SDK2: variants seen among roughly 807,000 people sequenced by gnomAD.
SDK2 encodes the protein protein sidekick-2.
SDK2 carries 105 observed loss-of-function variants against 253.9 expected under a neutral mutation model. The ratio of observed to expected loss-of-function variants is 0.41; its 90% CI spans 0.35 to 0.49. SDK2 has a LOEUF of 0.49. Among genes scored for constraint, SDK2 ranks in the 20% least tolerant of loss-of-function variants. SDK2 has a pLI of 0.06. For missense variants in SDK2, 2,608 were observed against 3,003.0 expected, an observed-to-expected ratio of 0.87 and a Z score of 3.07; for synonymous variants, 1,249 against 1,234.9, an observed-to-expected ratio of 1.01 and a Z score of -0.24.
chr17:73,478,998 C>T (rs970991663), intron 2 of SDK2, among the ~76,000 whole-genome samples: 1 of 152,280 alleles, frequency 6.6e-6, no homozygotes, highest in African/African-American at 2.4e-5. Context: ...TCATGCACGC[C>T]GTGCTGTGCA....
At chr17:73,559,598 G>GCCCCCCCCCCCCCCCCCCCCCCC (rs10633523) in intron 1 of SDK2, among the ~76,000 whole-genome samples, 3 of 122,176 alleles carry the variant, frequency 2.5e-5, no homozygotes, top group African/African-American at 1.2e-4. Flanking sequence ...CGCTCCCTGT[G>GCCCCCCCCCCCCCCCCCCCCCCC]CCCCCCGCCC....
At chr17:73,542,570 C>A (rs896985626) in intron 1 of SDK2, among the ~76,000 whole-genome samples, 2 of 152,196 alleles carry the variant, frequency 1.3e-5, no homozygotes, top group Non-Finnish European at 2.9e-5. Flanking sequence ...CTGTGCCCTG[C>A]TGGGCAGGCT....
chr17:73,465,500 T>C lies in SDK2; in HGVS notation c.331+6612A>G, dbSNP rs570636121. 6.6e-6 allele frequency among the ~76,000 whole-genome samples: 1 copy of C among 151,730 alleles called. No homozygotes were observed. The highest frequency in any genetic ancestry group is 2.4e-5 in the African/African-American group (1 of 41,328). On this transcript the variant is annotated intron_variant, in intron 3 of 44. Transcript: ENST00000392650. This position sits in a 1 kb window ranked among gnomAD's most constrained non-coding sequence, Gnocchi z 4.2. ...AGGTCCTCTGCCACCTCCGGAAGGC[T>C]CTCCCAACCCTCTTAGCCATTCATC... is the stretch of plus-strand genomic sequence containing the variant.
chr17:73,566,799 T>C lies in SDK2; in HGVS notation c.65-59202A>G, dbSNP rs368357890. 2.0e-5 allele frequency among the ~76,000 whole-genome samples: 3 copies of C among 151,530 alleles called. No individual in the cohort carries two copies. In the South Asian group the frequency reaches 6.3e-4, roughly 32 times the overall value. ...TCTAAACGACAAAGCACTCAAAATGTGGCCTGGGTGCTTCTAACTTCCTAC... is the reference window on the plus strand; with the variant it reads ...TCTAAACGACAAAGCACTCAAAATGCGGCCTGGGTGCTTCTAACTTCCTAC... On this transcript the variant is annotated intron_variant, in intron 1 of 44. Transcript: ENST00000392650.
chr17:73,589,453 G>A (rs753609735), intron 1 of SDK2, among the ~76,000 whole-genome samples: 1 of 152,236 alleles, frequency 6.6e-6, no homozygotes. Flanking sequence ...GGCAAGGGAC[G>A]TGGCCTTGGA....
At chr17:73,445,154 G>A (rs1387715415) in intron 5 of SDK2, among the ~76,000 whole-genome samples, 5 of 151,990 alleles carry the variant, frequency 3.3e-5, no homozygotes, top group East Asian at 3.9e-4. Context: ...TGATATAAGC[G>A]TAAAATACAC....
intron 4 of SDK2, among the ~76,000 whole-genome samples, chr17:73,450,424 G>A (rs1007348805): frequency 6.6e-6 from 1 of 152,196 alleles, no homozygotes; most frequent in Non-Finnish European, 1.5e-5. Flanking sequence ...GACATGGCCA[G>A]CTTCAGGGCT....
At chr17:73,613,596 CCCCCACCCCCAG>C (rs2046007329) in intron 1 of SDK2, among the ~76,000 whole-genome samples, 1 of 142,096 alleles carries the variant, frequency 7.0e-6, no homozygotes, top group Non-Finnish European at 1.6e-5. Context: ...CCCACCCCCA[CCCCCACCCCCAG>C]CCCCCTCCCC....
chr17:73,375,874 A>AT (rs758199263), intron 36 of SDK2, among the ~76,000 whole-genome samples: 3,889 of 151,396 alleles, frequency 0.026, 77 homozygotes, highest in East Asian at 0.091. Context: ...AAAGAAAGAA[A>AT]GAAATAAAAT....
At chr17:73,479,199 C>T (rs941833133) in intron 2 of SDK2, among the ~76,000 whole-genome samples, 5 of 152,366 alleles carry the variant, frequency 3.3e-5, no homozygotes, top group South Asian at 4.1e-4. Context: ...CTGCAGGTGT[C>T]GCCCCAGATG....
At chr17:73,547,334 T>C (rs540921584) in intron 1 of SDK2, among the ~76,000 whole-genome samples, 80 of 152,342 alleles carry the variant, frequency 5.3e-4, no homozygotes, top group Admixed American at 9.2e-4. Context: ...TGTGATTTTA[T>C]GAATAGGGAT....
At chr17:73,507,215 G>A (rs1398133399) in intron 2 of SDK2, among the ~76,000 whole-genome samples, 1 of 152,210 alleles carries the variant, frequency 6.6e-6, no homozygotes, top group Non-Finnish European at 1.5e-5. Context: ...TGTCCAGGCA[G>A]CGCTGGCCCC....
intron 36 of SDK2, among the ~76,000 whole-genome samples, chr17:73,375,797 A>G (rs2062773532): frequency 2.0e-5 from 3 of 151,512 alleles, no homozygotes; most frequent in South Asian, 4.2e-4. Context: ...CAGAGGTTGC[A>G]GTGAGCCAAG....
chr17:73,615,557 C>A (rs2046042753), intron 1 of SDK2, among the ~76,000 whole-genome samples: 1 of 152,198 alleles, frequency 6.6e-6, no homozygotes, highest in Non-Finnish European at 1.5e-5. Context: ...CAGACCTTCT[C>A]CCCAAGCCCC....
chr17:73,497,647 A>G (rs1002663441), intron 2 of SDK2, among the ~76,000 whole-genome samples: 2 of 151,354 alleles, frequency 1.3e-5, no homozygotes, highest in Admixed American at 6.6e-5. Flanking sequence ...TGCATCTCAG[A>G]CCCATCCGCT....
intron 1 of SDK2, among the ~76,000 whole-genome samples, chr17:73,634,684 C>T (rs904975177): frequency 5.9e-5 from 9 of 152,190 alleles, no homozygotes; most frequent in Non-Finnish European, 1.0e-4. Context: ...ACAAAAGGAA[C>T]AAAAGCTGTC....
chr17:73,636,000 G>A (rs540548572), intron 1 of SDK2, among the ~76,000 whole-genome samples: 2 of 152,142 alleles, frequency 1.3e-5, no homozygotes, highest in Non-Finnish European at 2.9e-5. Context: ...GAGTTCCAAG[G>A]CCTCTTTCCA....
intron 1 of SDK2, chr17:73,520,083 A>G (rs746380000): frequency 6.6e-6 from 1 of 152,250 alleles, no homozygotes; most frequent in Non-Finnish European, 1.5e-5. Context: ...AGCAATTTAC[A>G]AGCCAGATTA....
chr17:73,494,123 T>C (rs140067487), intron 2 of SDK2, among the ~76,000 whole-genome samples: 382 of 152,254 alleles, frequency 2.5e-3, no homozygotes, highest in South Asian at 0.017. Context: ...CTGAGTGAAA[T>C]TGATGTTGGC....
Sources: gnomAD v4.1 joint callset for allele counts (sites outside exome capture counted in the v4.1 genomes callset) on GRCh38, gnomAD v4.1.1 for gene constraint, Gnocchi (gnomAD v3.1) non-coding constraint, MANE v1.5 for transcripts, NCBI Gene and HGNC (gene_info 2026-07-23, HGNC 2026-07-21) for gene names.